DOK1: variants seen among roughly 807,000 people sequenced by gnomAD.
The protein encoded by DOK1 is docking protein 1.
In DOK1, 12 loss-of-function variants were observed where a neutral mutation model predicts 24.0. The ratio of observed to expected loss-of-function variants is 0.50; its 90% confidence interval spans 0.32 to 0.81. The LOEUF is 0.81. Among genes scored for constraint, DOK1 ranks in the 30% least tolerant of loss-of-function variants. The pLI is 0.03. For synonymous variants in DOK1, 250 were observed against 260.9 expected (o/e 0.96, Z 0.40); for missense variants, 591 against 620.7 (o/e 0.95, Z 0.51).
In DOK1 at chr2:74,549,121, C is replaced by A; in HGVS notation, c.-409C>A. 1 of 371,918 alleles carries A rather than the reference C, an allele frequency of 2.7e-6. No individual in the cohort carries two copies. Among genetic ancestry groups the A allele is most frequent in the Non-Finnish European group, 4.7e-6 (1 of 211,298 alleles). 23.0% of individuals were successfully genotyped at this position (371,918 alleles called of 1,614,324 possible). On this transcript the variant is annotated 5_prime_UTR_variant, in exon 1 of 5. Coordinates refer to the DOK1 transcript ENST00000409429. This position sits in a 1 kb window ranked among gnomAD's most constrained non-coding sequence, Gnocchi z 5.3. ...CCCGGGGCCGAGGAATCCGCCTGCC[C>A]GCCCAGGCGTCGGCCACGAGAGAGC...
In DOK1 at chr2:74,555,122, C is replaced by A; in HGVS notation, c.61-32C>A. 1.3e-6 allele frequency: 2 copies of A among 1,587,192 alleles called. No homozygotes were observed. The highest frequency in any genetic ancestry group is 1.7e-6 in the Non-Finnish European group (2 of 1,165,624). Reference sequence around the variant, plus strand: ...GGACCCGGGCCGCCTGCGCACGCCACTCCCTCTCGAGCACTCTCTCTCTCT... The same window carrying A: ...GGACCCGGGCCGCCTGCGCACGCCAATCCCTCTCGAGCACTCTCTCTCTCT... On this transcript the variant is annotated intron_variant, in intron 1 of 4. Transcript: ENST00000233668. The surrounding 1 kb of genome is among the most constrained non-coding windows in gnomAD (Gnocchi z 6.1).
At chr2:74,550,356 A>C (rs546933810), upstream of DOK1, 1 of 1,612,274 alleles carries the variant, frequency 6.2e-7, no homozygotes, top group African/African-American at 1.3e-5. Flanking sequence ...GGCCTGTGGA[A>C]GGGGAGATGA....
rs756554798 is a variant in DOK1 at position 74,557,384 on chromosome 2, G to A, written c.*270G>A. On this transcript the variant is annotated 3_prime_UTR_variant, in exon 5 of 5. Transcript: ENST00000233668. ...AATGAAGGGACGGCTGTGGGACCAG[G>A]TCTGTGGAAAGTGGTGCATGGTCAG... 3.1e-5 allele frequency: 13 copies of A among 423,890 alleles called. No individual in the cohort carries two copies. Among genetic ancestry groups the A allele is most frequent in the Non-Finnish European group, 4.7e-5 (11 of 234,422 alleles). 26.3% of individuals were successfully genotyped at this position (423,890 alleles called of 1,614,324 possible).
chr2:74,556,188 G>A lies in DOK1; in HGVS notation c.639+110G>A. 2.0e-6 allele frequency: 3 copies of A among 1,530,726 alleles called. No individual in the cohort carries two copies. The highest frequency in any genetic ancestry group is 1.8e-6 in the Non-Finnish European group (2 of 1,138,184). 94.8% of individuals were successfully genotyped at this position (1,530,726 alleles called of 1,614,324 possible). On this transcript the variant is annotated intron_variant, in intron 4 of 4. Coordinates refer to ENST00000233668, the MANE Select transcript of DOK1 (RefSeq NM_001381.5). The surrounding 1 kb of genome is among the most constrained non-coding windows in gnomAD (Gnocchi z 4.1). ...TTGGATCCCCCTTTCTTGCCTACCC[G>A]GTGACCCCGCGTCTGTTCGCAGGTG...
upstream of DOK1, chr2:74,552,334 C>T (rs1677068967): frequency 6.3e-7 from 1 of 1,598,686 alleles, no homozygotes; most frequent in Admixed American, 1.7e-5. Flanking sequence ...GTTCCAGGGC[C>T]ATATTTGGCA....
Position 74,549,500 on chromosome 2 carries a change from C to A in DOK1, c.-358+328C>A. ...CGTCAGGAAGCCTGACTTCCACCAG[C>A]CCCTCCGTCACGGGCAGGGGTCGTC... On this transcript the variant is annotated intron_variant, in intron 1 of 4. Transcript: ENST00000409429. The surrounding 1 kb of genome is among the most constrained non-coding windows in gnomAD (Gnocchi z 5.3). 1 of 1,613,724 alleles carries A rather than the reference C, an allele frequency of 6.2e-7. No individual in the cohort carries two copies. Among genetic ancestry groups the A allele is most frequent in the Non-Finnish European group, 8.5e-7 (1 of 1,179,894 alleles).
upstream of DOK1, chr2:74,554,595 C>T (rs1415251283): frequency 6.0e-6 from 4 of 670,404 alleles, no homozygotes; most frequent in Non-Finnish European, 1.0e-5. The surrounding 1 kb of genome is among the most constrained non-coding windows in gnomAD (Gnocchi z 4.9). Context: ...GGGGTCTCCA[C>T]CATTCCTTCT....
In DOK1 at chr2:74,549,615, C is replaced by G; in HGVS notation, c.-358+443C>G. 6.3e-7 allele frequency: 1 copy of G among 1,582,494 alleles called. No individual in the cohort carries two copies. Among genetic ancestry groups the G allele is most frequent in the East Asian group, 2.3e-5 (1 of 44,158 alleles). Reference sequence around the variant, plus strand: ...GCGGGGCCACAAGCAGGGAAAGAATCCCAGTGGCACCTTTCATGTGTCCCG... The same window carrying G: ...GCGGGGCCACAAGCAGGGAAAGAATGCCAGTGGCACCTTTCATGTGTCCCG... On this transcript the variant is annotated intron_variant, in intron 1 of 4. Coordinates refer to the DOK1 transcript ENST00000409429. The surrounding 1 kb of genome is among the most constrained non-coding windows in gnomAD (Gnocchi z 5.3).
upstream of DOK1, chr2:74,552,284 A>T (rs373926178): frequency 6.4e-7 from 1 of 1,564,098 alleles, no homozygotes; most frequent in South Asian, 1.2e-5. Context: ...TTGGCCACAC[A>T]TAGGAAATAT....
upstream of DOK1, chr2:74,550,342 A>G: frequency 6.2e-7 from 1 of 1,613,362 alleles, no homozygotes; most frequent in Non-Finnish European, 8.5e-7. Flanking sequence ...GTCCAGCCAG[A>G]TGCGGCCTGT....
In DOK1 at chr2:74,556,777, C is replaced by G. The variant is rs751060609; in HGVS notation, c.1109C>G (p.Pro370Arg). Residue 370 changes from proline to arginine, a missense_variant, in exon 5 of 5, where the codon CCA (proline) becomes CGA (arginine). Pro to Arg is a moderately radical substitution (Grantham distance 103). Transcript: ENST00000233668. This position sits in a 1 kb window ranked among gnomAD's most constrained non-coding sequence, Gnocchi z 4.1. ...PIYDEPEGLA[P>R]VPPQGLYDLP... ...TATGATGAACCTGAGGGCCTGGCCC[C>G]AGTCCCTCCCCAGGGCCTTTATGAT... The G allele has an allele frequency of 5.6e-6, 9 of 1,614,212 alleles. No homozygotes were observed. The highest frequency in any genetic ancestry group is 1.6e-4 in the Middle Eastern group (1 of 6,062).
rs767392050 is a variant in DOK1, at chr2:74,556,262, C to G, written c.640-46C>G. The G allele has an allele frequency of 1.6e-5, 25 of 1,583,070 alleles. No individual in the cohort carries two copies. Among genetic ancestry groups the G allele is most frequent in the Non-Finnish European group, 2.1e-5 (24 of 1,162,072 alleles). On this transcript the variant is annotated intron_variant, in intron 4 of 4. Coordinates refer to ENST00000233668, the MANE Select transcript of DOK1 (RefSeq NM_001381.5). The surrounding 1 kb of genome is among the most constrained non-coding windows in gnomAD (Gnocchi z 4.1). ...ACTAGTGCAGGCGTGTGACTCACTT[C>G]CTCTGATGGCTCCTGGTAATGTGTT...
At position 74,556,732 on chromosome 2, in the gene DOK1, A is replaced by T; in HGVS notation, c.1064A>T (p.Asp355Val). The change falls in exon 5 of 5, where the codon GAC (aspartate) becomes GTC (valine). Residue 355 changes from aspartate (D) to valine (V), a missense_variant. Physicochemically the swap from Asp to Val is radical, Grantham distance 152 (BLOSUM62 -3). Transcript: ENST00000233668. This position sits in a 1 kb window ranked among gnomAD's most constrained non-coding sequence, Gnocchi z 4.1. ...QQQLLKAKLT[D>V]PKEDPIYDEP... Reference sequence around the variant, plus strand: ...CAGTTGCTGAAGGCCAAGCTGACAGACCCCAAAGAGGATCCCATCTATGAT... The same window carrying T: ...CAGTTGCTGAAGGCCAAGCTGACAGTCCCCAAAGAGGATCCCATCTATGAT... The T allele has an allele frequency of 6.2e-7, 1 of 1,614,128 alleles. No homozygotes were observed. Among genetic ancestry groups the T allele is most frequent in the Non-Finnish European group, 8.5e-7 (1 of 1,180,026 alleles).
Position 74,549,352 on chromosome 2 carries a change from C to T in DOK1, c.-358+180C>T, listed in dbSNP as rs371714212. Reference sequence around the variant, plus strand: ...CCCAATCCCGGCCTGCTCCGCCCGGCGCCCGCGGCCCCTCACCTGTAGAAG... The same window carrying T: ...CCCAATCCCGGCCTGCTCCGCCCGGTGCCCGCGGCCCCTCACCTGTAGAAG... On this transcript the variant is annotated intron_variant, in intron 1 of 4. Coordinates refer to the DOK1 transcript ENST00000409429. This position sits in a 1 kb window ranked among gnomAD's most constrained non-coding sequence, Gnocchi z 5.3. 6.4e-7 allele frequency: 1 copy of T among 1,555,042 alleles called. No homozygotes were observed. Among genetic ancestry groups the T allele is most frequent in the African/African-American group, 1.4e-5 (1 of 73,372 alleles).
In DOK1 at chr2:74,556,427, G is replaced by T. The variant is rs770389858; in HGVS notation, c.759G>T (p.Lys253Asn). Reference protein sequence around the residue: ...QAVETAIHRQKAQGKAGQGHD... With the variant: ...QAVETAIHRQNAQGKAGQGHD... ...TTGAGACTGCCATCCACCGGCAGAA[G>T]GCCCAGGGAAAGGCCGGACAGGGGC... Residue 253 changes from lysine to asparagine, a missense_variant, in exon 5 of 5, where the codon AAG becomes AAT. By Grantham distance (94) the Lys-to-Asn change is moderately conservative. Coordinates refer to ENST00000233668, the MANE Select transcript of DOK1 (RefSeq NM_001381.5). This position sits in a 1 kb window ranked among gnomAD's most constrained non-coding sequence, Gnocchi z 4.1. 1.9e-6 allele frequency: 3 copies of T among 1,614,162 alleles called. No individual in the cohort carries two copies. Among genetic ancestry groups the T allele is most frequent in the South Asian group, 2.2e-5 (2 of 91,082 alleles).
rs765812282 is a variant in DOK1 at position 74,555,905 on chromosome 2, T to C, written c.466T>C (p.Trp156Arg). ...TGTATGCCTTCCAGGATCCCAATTC[T>C]GGGTAACGGTGCAGAGGACTGAGGC... The part of the protein sequence containing the change: ...YSPTWEGSQF[W>R]VTVQRTEAAE... Residue 156 changes from tryptophan (W) to arginine (R), a missense_variant, in exon 4 of 5, where the codon TGG (tryptophan) becomes CGG (arginine). By Grantham distance (101) the Trp-to-Arg change is moderately radical. Transcript: ENST00000233668. This position sits in a 1 kb window ranked among gnomAD's most constrained non-coding sequence, Gnocchi z 6.1. 1 of 1,604,504 alleles carries C rather than the reference T, an allele frequency of 6.2e-7. No individual in the cohort carries two copies. The highest frequency in any genetic ancestry group is 1.1e-5 in the South Asian group (1 of 90,112).
chr2:74,554,655 G>T, upstream of DOK1: 3 of 1,230,106 alleles, frequency 2.4e-6, no homozygotes, highest in Non-Finnish European at 3.4e-6. This position sits in a 1 kb window ranked among gnomAD's most constrained non-coding sequence, Gnocchi z 4.9. Flanking sequence ...TGCCGGCGGG[G>T]GCCGGGGAGG....
upstream of DOK1, chr2:74,550,124 A>G: frequency 6.5e-7 from 1 of 1,539,008 alleles, no homozygotes; most frequent in Non-Finnish European, 8.8e-7. Flanking sequence ...TCCGCTAACC[A>G]CCCCACAGTA....
Position 74,557,163 on chromosome 2 carries a change from A to G in DOK1, c.*49A>G. 2 of 1,548,912 alleles carry G rather than the reference A, an allele frequency of 1.3e-6. No individual in the cohort carries two copies. The highest frequency in any genetic ancestry group is 1.7e-6 in the Non-Finnish European group (2 of 1,142,970). On this transcript the variant is annotated 3_prime_UTR_variant, in exon 5 of 5. Transcript: ENST00000233668. ...CTAAGGGGGACCATGGGGAGGTGGC[A>G]CTAGGGATCAAAGAAGATGGTTAGA...
Sources: allele counts gnomAD v4.1 joint callset, GRCh38; gene constraint gnomAD v4.1.1; non-coding constraint Gnocchi (gnomAD v3.1); transcripts MANE v1.5; gene names NCBI Gene and HGNC (gene_info 2026-07-23, HGNC 2026-07-21).